RAB11FIP4: variants seen among roughly 807,000 people sequenced by gnomAD.
RAB11FIP4 encodes RAB11 family interacting protein 4.
In RAB11FIP4, 23 loss-of-function variants were observed where a neutral mutation model predicts 74.3. The ratio of observed to expected loss-of-function variants is 0.31; its 90% CI spans 0.22 to 0.44. The LOEUF is 0.44. Among genes scored for constraint, RAB11FIP4 ranks in the 20% least tolerant of loss-of-function variants. The pLI, the probability that RAB11FIP4 is intolerant of heterozygous loss-of-function variation, is 1.00. For synonymous variants in RAB11FIP4, 360 were observed against 359.9 expected, an observed-to-expected ratio of 1.00 and a Z score of 0.00; for missense variants, 630 against 863.9, an observed-to-expected ratio of 0.73 and a Z score of 3.39.
chr17:31,418,463 A>ATTTTTT lies in RAB11FIP4; in HGVS notation c.160-13337_160-13332dup, dbSNP rs71142049. On this transcript the variant is annotated intron_variant, in intron 1 of 14. Coordinates refer to ENST00000621161, the MANE Select transcript of RAB11FIP4 (RefSeq NM_032932.6). ...CAACTTTGTATGTGCAGTTCCCTTG[A>ATTTTTT]TTTTTTTTTTTTTTTTTTGAGACAG... Among the ~76,000 whole-genome samples the ATTTTTT allele has an allele frequency of 3.1e-4, 41 of 134,246 alleles. 1 individual carries two copies. The highest frequency in any genetic ancestry group is 7.1e-4 in the African/African-American group (25 of 35,346). 88.1% of individuals were successfully genotyped at this position (134,246 alleles called of 152,430 possible).
At chr17:31,473,612 C>T (rs954852183) in intron 3 of RAB11FIP4, among the ~76,000 whole-genome samples, 2 of 152,106 alleles carry the variant, frequency 1.3e-5, no homozygotes, top group African/African-American at 2.4e-5. Context: ...TTGCATTTGT[C>T]CAGGGAAAAG....
At chr17:31,447,952 C>T (rs1258447825) in intron 3 of RAB11FIP4, among the ~76,000 whole-genome samples, 1 of 152,128 alleles carries the variant, frequency 6.6e-6, no homozygotes. Context: ...TCTTGAGTAG[C>T]TGGGACTACA....
chr17:31,464,367 C>T (rs2071663966), intron 3 of RAB11FIP4, among the ~76,000 whole-genome samples: 1 of 152,132 alleles, frequency 6.6e-6, no homozygotes, highest in African/African-American at 2.4e-5. Context: ...TCTGGGAGCC[C>T]AGAATCAAAG....
chr17:31,524,820 T>C (rs2072733494), intron 9 of RAB11FIP4: 1 of 541,982 alleles, frequency 1.8e-6, no homozygotes, highest in Non-Finnish European at 3.3e-6. Context: ...CAGGTGTGGC[T>C]GCAGGGACTG....
At chr17:31,410,588 C>T (rs1404764090) in intron 1 of RAB11FIP4, among the ~76,000 whole-genome samples, 1 of 151,938 alleles carries the variant, frequency 6.6e-6, no homozygotes, top group Non-Finnish European at 1.5e-5. Context: ...GTGGTGCGCA[C>T]CTGTAGTCCC....
chr17:31,479,609 G>A (rs2071827260), intron 3 of RAB11FIP4, among the ~76,000 whole-genome samples: 1 of 152,186 alleles, frequency 6.6e-6, no homozygotes, highest in South Asian at 2.1e-4. Flanking sequence ...TTGTGATTGA[G>A]GCATAGACAT....
chr17:31,466,195 A>G lies in RAB11FIP4; in HGVS notation c.336+32073A>G, dbSNP rs928206943. On this transcript the variant is annotated intron_variant, in intron 3 of 14. Transcript: ENST00000621161. ...CTGACTAATCTACTTCATTTACAGC[A>G]TTGCTTATCTGGTGCACTTGAGGAC... is the stretch of plus-strand genomic sequence containing the variant. Among the ~76,000 whole-genome samples the G allele has an allele frequency of 9.2e-5, 14 of 152,008 alleles. 1 individual carries two copies. Among genetic ancestry groups the G allele is most frequent in the Admixed American group, 8.5e-4 (13 of 15,242 alleles).
chr17:31,455,971 A>C (rs1395931706), intron 3 of RAB11FIP4, among the ~76,000 whole-genome samples: 1 of 152,256 alleles, frequency 6.6e-6, no homozygotes, highest in African/African-American at 2.4e-5. Flanking sequence ...GACATGTGAT[A>C]TCGGAGAAAG....
rs2072849183 is a variant in RAB11FIP4 at position 31,530,427 on chromosome 17, C to G, written c.1755C>G (p.Ala585=). 5 of 1,614,122 alleles carry G rather than the reference C, an allele frequency of 3.1e-6. No individual in the cohort carries two copies. The highest frequency in any genetic ancestry group is 3.4e-6 in the Non-Finnish European group (4 of 1,180,012). ...AKNLFAAQTK[A]QSLAAEIDTA... ...ACCTCTTTGCTGCCCAGACTAAAGC[C>G]CAGTCTCTGGCTGCGGAGATAGACA... is the stretch of plus-strand genomic sequence containing the variant. Residue 585 remains alanine, a synonymous_variant, in exon 14 of 15, where the codon GCC becomes GCG. Transcript: ENST00000621161.
chr17:31,434,150 C>T lies in RAB11FIP4; in HGVS notation c.336+28C>T, dbSNP rs552980925. 9 of 1,529,666 alleles carry T rather than the reference C, an allele frequency of 5.9e-6. No homozygotes were observed. The African/African-American group carries it at 1.2e-4, about 21-fold the overall frequency. 94.8% of individuals were successfully genotyped at this position (1,529,666 alleles called of 1,614,324 possible). On this transcript the variant is annotated intron_variant, in intron 3 of 14. Coordinates refer to ENST00000621161, the MANE Select transcript of RAB11FIP4 (RefSeq NM_032932.6). Reference sequence around the variant, plus strand: ...AAGGCTTGGGGGGCCTCAAGGACCTCCATGGCTCTGCCTCCTCCTTCTTGG... The same window carrying T: ...AAGGCTTGGGGGGCCTCAAGGACCTTCATGGCTCTGCCTCCTCCTTCTTGG...
chr17:31,469,233 G>A (rs2071715305), intron 3 of RAB11FIP4, among the ~76,000 whole-genome samples: 1 of 152,160 alleles, frequency 6.6e-6, no homozygotes, highest in Admixed American at 6.5e-5. Flanking sequence ...TGAGCACTGG[G>A]GAACCAATGG....
At position 31,536,348 on chromosome 17, in the gene RAB11FIP4, AAAAG is replaced by A. The variant is rs1175164674; in HGVS notation, c.*4617_*4620del. ...TTGTCTTTATTTTTTTAAAAAAACAAAAAGTAACTTTCGATGTGATCATACCAGG... is the reference window on the plus strand; with the variant it reads ...TTGTCTTTATTTTTTTAAAAAAACAATAACTTTCGATGTGATCATACCAGG... On this transcript the variant is annotated 3_prime_UTR_variant, in exon 15 of 15. Coordinates refer to ENST00000621161, the MANE Select transcript of RAB11FIP4 (RefSeq NM_032932.6). 1 of 152,164 alleles carries A rather than the reference AAAAG, an allele frequency of 6.6e-6. No individual in the cohort carries two copies. Among genetic ancestry groups the A allele is most frequent in the Non-Finnish European group, 1.5e-5 (1 of 68,024 alleles). 9.4% of individuals were successfully genotyped at this position (152,164 alleles called of 1,614,324 possible). A position where few individuals can be genotyped will look rare whatever the true frequency, so the allele number is the denominator to read the frequency against.
In RAB11FIP4 at chr17:31,532,795, C is replaced by T. The variant is rs974447820; in HGVS notation, c.*1063C>T. 4.6e-5 allele frequency: 7 copies of T among 152,162 alleles called. No homozygotes were observed. The highest frequency in any genetic ancestry group is 1.7e-4 in the African/African-American group (7 of 41,442). 9.4% of individuals were successfully genotyped at this position (152,162 alleles called of 1,614,324 possible). A position where few individuals can be genotyped will look rare whatever the true frequency, so the allele number is the denominator to read the frequency against. ...CTTCGTTCCAGCGTTTAGAAACACACCTGTATTTGATTCTCAGCCAGGGGA... is the reference window on the plus strand; with the variant it reads ...CTTCGTTCCAGCGTTTAGAAACACATCTGTATTTGATTCTCAGCCAGGGGA... On this transcript the variant is annotated 3_prime_UTR_variant, in exon 15 of 15. Transcript: ENST00000621161.
At chr17:31,522,137 CCTG>C in intron 6 of RAB11FIP4, 88 bp downstream of exon 6, 1 of 1,552,082 alleles carries the variant, frequency 6.4e-7, no homozygotes, top group Non-Finnish European at 8.8e-7. Flanking sequence ...CGAGGCGACC[CCTG>C]CTGTCTGGGC....
intron 3 of RAB11FIP4, among the ~76,000 whole-genome samples, chr17:31,476,250 T>G (rs2071791996): frequency 7.1e-6 from 1 of 141,406 alleles, no homozygotes; most frequent in African/African-American, 2.6e-5. Flanking sequence ...AGTGGTGCAA[T>G]CTTGGCTCAC....
intron 14 of RAB11FIP4, 111 bp from the exon 15 acceptor site, chr17:31,531,505 C>G: frequency 2.7e-6 from 2 of 734,406 alleles, no homozygotes; most frequent in East Asian, 4.9e-5. Flanking sequence ...CCCAGGATCT[C>G]CTGATGCCCT....
At chr17:31,408,610 A>G (rs951814784) in intron 1 of RAB11FIP4, among the ~76,000 whole-genome samples, 11 of 152,190 alleles carry the variant, frequency 7.2e-5, no homozygotes, top group African/African-American at 2.4e-4. Context: ...TGCATTTCCT[A>G]GGTAAGCCAT....
In RAB11FIP4 at chr17:31,528,649, G is replaced by A; in HGVS notation, c.1524G>A (p.Glu508=). ...TCGAGGACTTGCGGAAGGAGCTGGA[G>A]CACCTGCAGATGTACAAGCTGGACT... ...ELIEDLRKEL[E]HLQMYKLDCE... is the part of the protein sequence containing the mutation. Residue 508 remains glutamate (E), a synonymous_variant, in exon 13 of 15, where the codon GAG becomes GAA. Coordinates refer to ENST00000621161, the MANE Select transcript of RAB11FIP4 (RefSeq NM_032932.6). 6.2e-7 allele frequency: 1 copy of A among 1,613,564 alleles called. No individual in the cohort carries two copies. Among genetic ancestry groups the A allele is most frequent in the Non-Finnish European group, 8.5e-7 (1 of 1,179,872 alleles).
At chr17:31,451,959 CAT>C (rs1170614305) in intron 3 of RAB11FIP4, among the ~76,000 whole-genome samples, 1 of 152,094 alleles carries the variant, frequency 6.6e-6, no homozygotes, top group Non-Finnish European at 1.5e-5. Flanking sequence ...TCGATAACTG[CAT>C]ATGTTGTGTA....
Sources: gnomAD v4.1 joint callset for allele counts (sites outside exome capture counted in the v4.1 genomes callset) on GRCh38, gnomAD v4.1.1 for gene constraint, MANE v1.5 for transcripts, NCBI Gene and HGNC (gene_info 2026-07-23, HGNC 2026-07-21) for gene names.